GRIN2A: variants seen among roughly 807,000 people sequenced by gnomAD.
GRIN2A encodes the protein glutamate ionotropic receptor NMDA type subunit 2A, also known as glutamate receptor ionotropic, NMDA 2A.
A neutral mutation model predicts 113.4 loss-of-function variants in GRIN2A; 22 were observed. That is an observed-to-expected ratio of 0.19 (90% CI 0.14 to 0.28). The LOEUF is 0.28. GRIN2A is among the 10% of genes least tolerant of loss of function. The pLI, the probability that GRIN2A is intolerant of heterozygous loss-of-function variation, is 1.00. For synonymous variants in GRIN2A, 827 were observed against 738.4 expected (o/e 1.12, Z -1.94); for missense variants, 1,502 against 1,887.0 (o/e 0.80, Z 3.78).
rs539064959 is a variant in GRIN2A at position 10,178,559 on chromosome 16, G to C, written c.414+1439C>G. On this transcript the variant is annotated intron_variant, in intron 2 of 12. Coordinates refer to ENST00000330684, the MANE Select transcript of GRIN2A (RefSeq NM_001134407.3). ...GCTAGTCCCTACTCTCTTCTTCCCA[G>C]ACAGGAGCCCCCCAAAACTGAGAAG... 7.9e-5 allele frequency among the ~76,000 whole-genome samples: 12 copies of C among 152,288 alleles called. 1 individual carries two copies. The East Asian group carries it at 2.1e-3, about 27-fold the overall frequency.
rs587780352 is a variant in GRIN2A, at chr16:10,180,010, G to A, written c.402C>T (p.Ile134=). 22 of 1,613,852 alleles carry A rather than the reference G, an allele frequency of 1.4e-5. No individual in the cohort carries two copies. The highest frequency in any genetic ancestry group is 1.9e-5 in the Non-Finnish European group (22 of 1,179,870). Residue 134 remains isoleucine, a synonymous_variant, in exon 2 of 13, where the codon ATC becomes ATT. Coordinates refer to ENST00000330684, the MANE Select transcript of GRIN2A (RefSeq NM_001134407.3). The surrounding 1 kb of genome is among the most constrained non-coding windows in gnomAD (Gnocchi z 7.0). The part of the protein sequence containing the change: ...ILGIHGGASM[I]MADKDPTSTF... ...TTTCCGGCCTTACCTTGTCAGCCATGATCATAGATGCGCCCCCATGAATGC... is the reference window on the plus strand; with the variant it reads ...TTTCCGGCCTTACCTTGTCAGCCATAATCATAGATGCGCCCCCATGAATGC...
chr16:9,992,150 G>A (rs185651829), intron 2 of GRIN2A, among the ~76,000 whole-genome samples: 125 of 152,252 alleles, frequency 8.2e-4, no homozygotes, highest in African/African-American at 2.7e-3. Flanking sequence ...TTATGGCTCA[G>A]TAGTATTCCA....
At chr16:9,983,598 C>A (rs1026354873) in intron 2 of GRIN2A, among the ~76,000 whole-genome samples, 2 of 152,068 alleles carry the variant, frequency 1.3e-5, no homozygotes, top group Admixed American at 1.3e-4. Context: ...CGCCACTATA[C>A]CCAGCTAATT....
chr16:10,154,713 T>C (rs1299026956), intron 2 of GRIN2A, among the ~76,000 whole-genome samples: 1 of 152,148 alleles, frequency 6.6e-6, no homozygotes, highest in Non-Finnish European at 1.5e-5. Context: ...CACCTAATCC[T>C]GTGGGGGACA....
chr16:10,022,088 C>G (rs1378774041), intron 2 of GRIN2A, among the ~76,000 whole-genome samples: 1 of 151,072 alleles, frequency 6.6e-6, no homozygotes, highest in Non-Finnish European at 1.5e-5. Context: ...TCTAGAATGT[C>G]TTTCCCTATC....
chr16:9,803,030 TC>T (rs1903462924), intron 10 of GRIN2A, among the ~76,000 whole-genome samples: 6 of 151,164 alleles, frequency 4.0e-5, no homozygotes, highest in Admixed American at 1.3e-4. Flanking sequence ...GAAAAAAAAA[TC>T]CCCTAAATCT....
At chr16:9,871,174 A>G (rs2043253833) in intron 4 of GRIN2A, among the ~76,000 whole-genome samples, 1 of 152,142 alleles carries the variant, frequency 6.6e-6, no homozygotes, top group Admixed American at 6.6e-5. Flanking sequence ...CCTTCCACCC[A>G]GCTCTGAGTC....
chr16:9,889,209 A>G (rs1461612218), intron 4 of GRIN2A, among the ~76,000 whole-genome samples: 1 of 152,118 alleles, frequency 6.6e-6, no homozygotes, highest in Non-Finnish European at 1.5e-5. Flanking sequence ...TTTCTTCAGA[A>G]TTTGCCCATT....
At chr16:10,002,903 G>A (rs1244449191) in intron 2 of GRIN2A, among the ~76,000 whole-genome samples, 2 of 152,182 alleles carry the variant, frequency 1.3e-5, no homozygotes, top group Non-Finnish European at 2.9e-5. Flanking sequence ...GCCTTTAGGA[G>A]AAAGGCAATT....
intron 2 of GRIN2A, among the ~76,000 whole-genome samples, chr16:10,096,756 C>T (rs553332445): frequency 6.6e-6 from 1 of 152,162 alleles, no homozygotes; most frequent in East Asian, 1.9e-4. Context: ...TGCCACATAC[C>T]CCATTCTCCT....
At chr16:10,159,187 C>A (rs1488875288) in intron 2 of GRIN2A, among the ~76,000 whole-genome samples, 1 of 152,144 alleles carries the variant, frequency 6.6e-6, no homozygotes, top group Non-Finnish European at 1.5e-5. Context: ...ACTCTGCCTG[C>A]ACATCAGGGA....
At chr16:10,128,196 G>C (rs1429246742) in intron 2 of GRIN2A, among the ~76,000 whole-genome samples, 1 of 152,160 alleles carries the variant, frequency 6.6e-6, no homozygotes, top group Non-Finnish European at 1.5e-5. Flanking sequence ...TCATGATTCT[G>C]CCTATGTGTC....
intron 4 of GRIN2A, among the ~76,000 whole-genome samples, chr16:9,852,567 A>G (rs1197871323): frequency 2.0e-5 from 3 of 152,194 alleles, no homozygotes; most frequent in Non-Finnish European, 4.4e-5. Flanking sequence ...CCAAGTATCC[A>G]TGGGTCAGCC....
intron 3 of GRIN2A, among the ~76,000 whole-genome samples, chr16:9,929,225 G>A (rs1306443984): frequency 1.3e-5 from 2 of 152,138 alleles, no homozygotes; most frequent in Admixed American, 1.3e-4. Context: ...CCTGTGTATT[G>A]CATTTTCGGT....
intron 2 of GRIN2A, among the ~76,000 whole-genome samples, chr16:10,044,005 G>GTATATATATATATATATATA (rs749614491): frequency 7.0e-5 from 7 of 100,270 alleles, no homozygotes; most frequent in Non-Finnish European, 9.9e-5. Context: ...GTGTGTGTGT[G>GTATATATATATATATATATA]TGTATATATA....
chr16:9,782,334 T>C, intron 11 of GRIN2A, among the ~76,000 whole-genome samples: 1 of 152,226 alleles, frequency 6.6e-6, no homozygotes, highest in East Asian at 1.9e-4. Context: ...ATTCAAATGC[T>C]ACACCATTTT....
At position 9,783,496 on chromosome 16, in the gene GRIN2A, A is replaced by T. The variant is rs118163928; in HGVS notation, c.2357-14407T>A. Among the ~76,000 whole-genome samples the T allele has an allele frequency of 4.1e-4, 62 of 152,368 alleles. 1 individual carries two copies. In the East Asian group the frequency reaches 5.8e-3, roughly 14 times the overall value. On this transcript the variant is annotated intron_variant, in intron 11 of 12. Transcript: ENST00000330684. ...TCCTTCCTGGATGAGGAAGCTTAAC[A>T]TTAAAGCTTATCTGACTACGTCTTC...
intron 2 of GRIN2A, among the ~76,000 whole-genome samples, chr16:10,082,936 C>CCTGT (rs1284162864): frequency 4.4e-5 from 2 of 45,442 alleles, no homozygotes; most frequent in African/African-American, 9.8e-5. Context: ...ATTTTCTTTT[C>CCTGT]CTGTCATTCT....
At chr16:9,903,877 T>C (rs1425613624) in intron 3 of GRIN2A, among the ~76,000 whole-genome samples, 1 of 152,214 alleles carries the variant, frequency 6.6e-6, no homozygotes, top group Non-Finnish European at 1.5e-5. Context: ...TTGATGAAGC[T>C]GATATGAAGG....
Sources: allele counts gnomAD v4.1 joint callset (sites outside exome capture counted in the v4.1 genomes callset), GRCh38; gene constraint gnomAD v4.1.1; non-coding constraint Gnocchi (gnomAD v3.1); transcripts MANE v1.5; gene names NCBI Gene and HGNC (gene_info 2026-07-23, HGNC 2026-07-21).